Variants in PIAS2 observed in about 807,000 individuals in gnomAD.
PIAS2 encodes the protein E3 SUMO-protein ligase PIAS2.
Under a neutral mutation model 69.7 loss-of-function variants are expected in PIAS2, and 19 were observed. That is an observed-to-expected ratio of 0.27 (90% CI 0.19 to 0.40). The LOEUF is 0.40. Ranked by LOEUF, PIAS2 falls within the 10% of genes least tolerant of loss-of-function variation. The probability of loss-of-function intolerance (pLI) is 1.00; values close to 1 mark genes in which losing one functional copy is unlikely to be tolerated. For missense variants in PIAS2, 624 were observed against 757.0 expected (o/e 0.82, Z 2.06); for synonymous variants, 261 against 263.2 (o/e 0.99, Z 0.08).
intron 2 of PIAS2, among the ~76,000 whole-genome samples, chr18:46,875,507 G>C (rs72911123): frequency 0.011 from 1,681 of 152,212 alleles, 17 homozygotes; most frequent in Non-Finnish European, 0.017. Flanking sequence ...TTATAGGACG[G>C]GACCCCATAA....
chr18:46,855,475 C>T (rs2047599593), intron 4 of PIAS2, 40 bp from the exon 5 acceptor site: 1 of 1,568,892 alleles, frequency 6.4e-7, no homozygotes, highest in South Asian at 1.1e-5. Flanking sequence ...AAATAGTGTG[C>T]TCAAACATTC....
Position 46,900,058 on chromosome 18 carries a change from C to G in PIAS2, c.25-9004G>C, listed in dbSNP as rs181603021. ...CAGTCTGGTCAACATGGTCCAACAT[C>G]GTCTCTACTAAAAATACAAAAATTG... is the stretch of plus-strand genomic sequence containing the variant. On this transcript the variant is annotated intron_variant, in intron 1 of 13. Transcript: ENST00000585916. 1.5e-3 allele frequency among the ~76,000 whole-genome samples: 228 copies of G among 152,210 alleles called. 5 individuals are homozygous for G. Among genetic ancestry groups the G allele is most frequent in the Admixed American group, 0.014 (208 of 15,276 alleles).
At position 46,846,770 on chromosome 18, in the gene PIAS2, T is replaced by G. The variant is rs1407982675; in HGVS notation, c.798A>C (p.Leu266Phe). 6.2e-7 allele frequency: 1 copy of G among 1,613,218 alleles called. No individual in the cohort carries two copies. Among genetic ancestry groups the G allele is most frequent in the South Asian group, 1.1e-5 (1 of 90,798 alleles). ...RPGRPLNITS[L>F]VRLSSAVPNQ... is the part of the protein sequence containing the mutation. Reference sequence around the variant, plus strand: ...TTGGCACAGCTGAAGATAACCTAACTAAAGATGTAATATTCAAGGGGCGTC... The same window carrying G: ...TTGGCACAGCTGAAGATAACCTAACGAAAGATGTAATATTCAAGGGGCGTC... The change falls in exon 6 of 14, where the codon TTA becomes TTC. Residue 266 changes from leucine to phenylalanine, a missense_variant. Physicochemically the swap from Leu to Phe is conservative, Grantham distance 22 (BLOSUM62 0). Transcript: ENST00000585916.
intron 13 of PIAS2, among the ~76,000 whole-genome samples, chr18:46,814,420 A>AT (rs2041290836): frequency 6.6e-6 from 1 of 152,188 alleles, no homozygotes; most frequent in East Asian, 1.9e-4. Context: ...TTCCTAGAAA[A>AT]ATACATAGAC....
chr18:46,862,539 A>G (rs988923689), intron 3 of PIAS2, among the ~76,000 whole-genome samples: 2 of 152,084 alleles, frequency 1.3e-5, no homozygotes, highest in African/African-American at 4.8e-5. Context: ...CAGAAGCCTT[A>G]GTTTTATCAT....
Position 46,844,847 on chromosome 18 carries a change from C to A in PIAS2, c.862-8G>T, listed in dbSNP as rs767960289. ...TACAGACATAGAGTAATTCTACAAA[C>A]AAACAAAAAAAACCTGCATTAAAGA... On this transcript the variant is annotated splice_polypyrimidine_tract_variant and splice_region_variant and intron_variant, in intron 6 of 13. Coordinates refer to ENST00000585916, the MANE Select transcript of PIAS2 (RefSeq NM_004671.5). 94 of 1,254,194 alleles carry A rather than the reference C, an allele frequency of 7.5e-5. 1 individual carries two copies. Among genetic ancestry groups the A allele is most frequent in the Non-Finnish European group, 9.8e-5 (90 of 918,828 alleles). The allele number at this position is 1,254,194 out of a possible 1,614,324, so 77.7% of individuals were successfully genotyped here.
intron 13 of PIAS2, among the ~76,000 whole-genome samples, chr18:46,814,321 T>C (rs761738458): frequency 5.3e-5 from 8 of 152,164 alleles, no homozygotes; most frequent in African/African-American, 1.2e-4. Context: ...AACAGAGCTA[T>C]GAAATAAAAA....
At chr18:46,914,215 G>A (rs978811990) in intron 1 of PIAS2, among the ~76,000 whole-genome samples, 3 of 152,128 alleles carry the variant, frequency 2.0e-5, no homozygotes, top group African/African-American at 7.2e-5. Flanking sequence ...TGAGCACACA[G>A]GCCACATTTT....
chr18:46,824,657 A>G (rs957308223), intron 11 of PIAS2, among the ~76,000 whole-genome samples: 1 of 152,082 alleles, frequency 6.6e-6, no homozygotes, highest in African/African-American at 2.4e-5. Flanking sequence ...GCTTTGTAAA[A>G]TTGTTTATAA....
chr18:46,814,614 G>T (rs1426453367), intron 13 of PIAS2, among the ~76,000 whole-genome samples: 3 of 152,160 alleles, frequency 2.0e-5, no homozygotes, highest in Non-Finnish European at 4.4e-5. Flanking sequence ...AGCAGCCCAT[G>T]AAGCAGTGAC....
At chr18:46,875,814 T>TC (rs1240376324) in intron 2 of PIAS2, among the ~76,000 whole-genome samples, 1 of 152,188 alleles carries the variant, frequency 6.6e-6, no homozygotes, top group Non-Finnish European at 1.5e-5. Flanking sequence ...GCCCAGACTG[T>TC]CCCCTTTCCA....
At chr18:46,906,747 A>G (rs2056643432) in intron 1 of PIAS2, among the ~76,000 whole-genome samples, 1 of 138,092 alleles carries the variant, frequency 7.2e-6, no homozygotes, top group Non-Finnish European at 1.6e-5. Context: ...TCCCATCAAA[A>G]TACCAACAAG....
chr18:46,861,392 AC>A (rs2048642556), intron 3 of PIAS2, among the ~76,000 whole-genome samples: 1 of 152,260 alleles, frequency 6.6e-6, no homozygotes, highest in Admixed American at 6.5e-5. Flanking sequence ...GCCAAGATTC[AC>A]GAGTGAACAC....
intron 2 of PIAS2, among the ~76,000 whole-genome samples, chr18:46,877,589 A>G (rs1210074199): frequency 6.6e-6 from 1 of 152,182 alleles, no homozygotes; most frequent in Non-Finnish European, 1.5e-5. Flanking sequence ...GTACCGTAAC[A>G]AACAGCCTCC....
Position 46,844,729 on chromosome 18 carries a change from C to A in PIAS2, c.967+5G>T. 9.3e-6 allele frequency: 10 copies of A among 1,079,178 alleles called. No individual in the cohort carries two copies. The highest frequency in any genetic ancestry group is 1.7e-5 in the African/African-American group (1 of 59,876). The allele number at this position is 1,079,178 out of a possible 1,614,324, so 66.9% of individuals were successfully genotyped here. ...AAATGCTTGGTCTTATTAAACATTA[C>A]TTACTTAGTGCTCTGGAATGATCAG... On this transcript the variant is annotated splice_donor_5th_base_variant and intron_variant, in intron 7 of 13. Coordinates refer to ENST00000585916, the MANE Select transcript of PIAS2 (RefSeq NM_004671.5).
rs116047745 is a variant in PIAS2 at position 46,908,406 on chromosome 18, G to C, written c.24+8916C>G. On this transcript the variant is annotated intron_variant, in intron 1 of 13. Coordinates refer to ENST00000585916, the MANE Select transcript of PIAS2 (RefSeq NM_004671.5). ...CAGATGAGTGATGGCATCCAAACCA[G>C]TGAAGAAAAAAATTTGCATGAAAGG... 3.9e-3 allele frequency among the ~76,000 whole-genome samples: 589 copies of C among 152,230 alleles called. 2 individuals carry two copies. Among genetic ancestry groups the C allele is most frequent in the African/African-American group, 0.013 (558 of 41,536 alleles).
At chr18:46,857,554 G>GA (rs1208588901) in intron 3 of PIAS2, among the ~76,000 whole-genome samples, 3 of 151,754 alleles carry the variant, frequency 2.0e-5, no homozygotes, top group East Asian at 1.9e-4. Context: ...GTAATTCCCA[G>GA]AAAAAAAGAA....
chr18:46,827,176 T>C (rs1229686464), intron 11 of PIAS2: 1 of 152,182 alleles, frequency 6.6e-6, no homozygotes, highest in Non-Finnish European at 1.5e-5. Context: ...GCCAAAAAGA[T>C]GACACTAGCA....
chr18:46,885,707 A>T (rs1221962872), intron 2 of PIAS2, among the ~76,000 whole-genome samples: 1 of 151,908 alleles, frequency 6.6e-6, no homozygotes, highest in Non-Finnish European at 1.5e-5. Context: ...AGTGATAGGT[A>T]GGATTCCTGA....
Sources: gnomAD v4.1 joint callset for allele counts (sites outside exome capture counted in the v4.1 genomes callset) on GRCh38, gnomAD v4.1.1 for gene constraint, MANE v1.5 for transcripts, NCBI Gene and HGNC (gene_info 2026-07-23, HGNC 2026-07-21) for gene names.